BMAL1: variants seen among roughly 807,000 people sequenced by gnomAD.
BMAL1 encodes basic helix-loop-helix ARNT like 1.
chr11:13,317,760 T>C, the BMAL1 span, among the ~76,000 whole-genome samples: 5 of 152,232 alleles, frequency 3.3e-5, no homozygotes, highest in Non-Finnish European at 5.9e-5. Flanking sequence ...TGTTTTGTTT[T>C]TTATCTCCAT....
At chr11:13,333,694 T>C in the BMAL1 span, among the ~76,000 whole-genome samples, 1 of 152,240 alleles carries the variant, frequency 6.6e-6, no homozygotes, top group Non-Finnish European at 1.5e-5. Context: ...GTCGGACATC[T>C]CCGCACCAGG....
chr11:13,294,850 C>T, the BMAL1 span, among the ~76,000 whole-genome samples: 9 of 152,332 alleles, frequency 5.9e-5, no homozygotes, highest in African/African-American at 2.2e-4. Flanking sequence ...CTGCCGTTTC[C>T]AGTGTTCTCT....
the BMAL1 span, among the ~76,000 whole-genome samples, chr11:13,282,263 T>C: frequency 6.6e-6 from 1 of 152,214 alleles, no homozygotes; most frequent in African/African-American, 2.4e-5. Flanking sequence ...TTGCTCTCTA[T>C]GCCTTGGTGT....
chr11:13,380,182 C>T, the BMAL1 span: 1 of 152,188 alleles, frequency 6.6e-6, no homozygotes, highest in Non-Finnish European at 1.5e-5. Flanking sequence ...GCAATTTTTC[C>T]GTAAGCAATT....
At chr11:13,284,152 ATATATATG>A in the BMAL1 span, among the ~76,000 whole-genome samples, 150 of 64,768 alleles carry the variant, frequency 2.3e-3, 16 homozygotes, top group Non-Finnish European at 3.2e-3. Flanking sequence ...ATGTGTATAT[ATATATATG>A]TGTGTATATA....
the BMAL1 span, chr11:13,354,567 ACT>A: frequency 1.4e-6 from 2 of 1,379,914 alleles, no homozygotes; most frequent in African/African-American, 2.9e-5. Context: ...AAAAAACCCA[ACT>A]CTAGGTGGCG....
the BMAL1 span, chr11:13,375,774 T>C: frequency 2.5e-5 from 38 of 1,538,140 alleles, no homozygotes; most frequent in East Asian, 9.1e-4. Context: ...TAAGTACTTT[T>C]CCTATATCTG....
At chr11:13,357,941 T>TG in the BMAL1 span, among the ~76,000 whole-genome samples, 1 of 152,254 alleles carries the variant, frequency 6.6e-6, no homozygotes, top group African/African-American at 2.4e-5. This position sits in a 1 kb window ranked among gnomAD's most constrained non-coding sequence, Gnocchi z 4.8. Flanking sequence ...ATGACGGCGT[T>TG]GGTTACTGGG....
At chr11:13,316,552 C>G in the BMAL1 span, among the ~76,000 whole-genome samples, 1 of 152,106 alleles carries the variant, frequency 6.6e-6, no homozygotes, top group African/African-American at 2.4e-5. Context: ...TTATGACTTC[C>G]CAGACCTCAT....
At chr11:13,322,944 C>T in the BMAL1 span, among the ~76,000 whole-genome samples, 5 of 151,304 alleles carry the variant, frequency 3.3e-5, no homozygotes, top group Non-Finnish European at 7.4e-5. Flanking sequence ...GTATGTGCCA[C>T]TTGCCTGTCT....
At chr11:13,297,523 C>A in the BMAL1 span, among the ~76,000 whole-genome samples, 1 of 152,210 alleles carries the variant, frequency 6.6e-6, no homozygotes, top group African/African-American at 2.4e-5. Flanking sequence ...GGGAGCAGTG[C>A]CAGCTTGAGG....
chr11:13,295,491 C>T, the BMAL1 span, among the ~76,000 whole-genome samples: 1 of 152,230 alleles, frequency 6.6e-6, no homozygotes, highest in African/African-American at 2.4e-5. Flanking sequence ...GGTCTGGCTC[C>T]TTCTGTGTCC....
chr11:13,349,840 T>C, the BMAL1 span: 3 of 149,768 alleles, frequency 2.0e-5, no homozygotes, highest in African/African-American at 4.9e-5. Flanking sequence ...TAATTAGGAG[T>C]CATGAACCAT....
the BMAL1 span, chr11:13,376,513 C>CA: frequency 1.8e-5 from 16 of 891,454 alleles, no homozygotes; most frequent in Non-Finnish European, 3.0e-5. Context: ...TTTACCCACT[C>CA]AGACAGACAC....
At chr11:13,307,702 T>C in the BMAL1 span, among the ~76,000 whole-genome samples, 3 of 152,218 alleles carry the variant, frequency 2.0e-5, no homozygotes, top group Admixed American at 6.5e-5. Flanking sequence ...AGGAAGCTGA[T>C]TGATTGCATT....
At chr11:13,374,317 G>T in the BMAL1 span, 1 of 884,526 alleles carries the variant, frequency 1.1e-6, no homozygotes, top group Admixed American at 2.1e-5. Context: ...GCCAGCCTAG[G>T]ACTCTTCAGG....
At chr11:13,332,883 G>T in the BMAL1 span, among the ~76,000 whole-genome samples, 1 of 152,012 alleles carries the variant, frequency 6.6e-6, no homozygotes, top group African/African-American at 2.4e-5. Flanking sequence ...TCCTGTCACG[G>T]TCATAGCCCA....
the BMAL1 span, chr11:13,356,853 T>G: frequency 6.2e-7 from 1 of 1,610,218 alleles, no homozygotes; most frequent in Non-Finnish European, 8.5e-7. Flanking sequence ...TTCTGTTACT[T>G]GGGGCAGCAC....
At chr11:13,386,623 T>C in the BMAL1 span, 5 of 1,613,972 alleles carry the variant, frequency 3.1e-6, no homozygotes, top group African/African-American at 5.3e-5. Context: ...GGTATAGACA[T>C]GATTGACAAC....
Sources: allele counts gnomAD v4.1 joint callset (sites outside exome capture counted in the v4.1 genomes callset), GRCh38; gene constraint gnomAD v4.1.1; non-coding constraint Gnocchi (gnomAD v3.1); transcripts MANE v1.5; gene names NCBI Gene and HGNC (gene_info 2026-07-23, HGNC 2026-07-21).